The following KCNN2 variants were observed in gnomAD, a reference collection of about 807,000 sequenced individuals.
The protein encoded by KCNN2 is potassium calcium-activated channel subfamily N member 2.
In KCNN2, 24 loss-of-function variants were observed where a neutral mutation model predicts 55.5. That is an observed-to-expected ratio of 0.43 (90% CI 0.31 to 0.61). The LOEUF is 0.61. Ranked by LOEUF, KCNN2 falls within the 20% of genes least tolerant of loss-of-function variation. The pLI, the probability that KCNN2 is intolerant of heterozygous loss-of-function variation, is 0.08. For synonymous variants in KCNN2, 431 were observed against 336.1 expected (o/e 1.28, Z -3.09); for missense variants, 754 against 853.6 (o/e 0.88, Z 1.45).
At chr5:114,440,771 A>G (rs1163956819) in intron 3 of KCNN2, among the ~76,000 whole-genome samples, 1 of 152,074 alleles carries the variant, frequency 6.6e-6, no homozygotes, top group East Asian at 1.9e-4. Flanking sequence ...ATAAAAATAG[A>G]ATGTATAACA....
At chr5:114,116,571 T>G (rs1751711969) in intron 1 of KCNN2, among the ~76,000 whole-genome samples, 1 of 152,170 alleles carries the variant, frequency 6.6e-6, no homozygotes, top group Non-Finnish European at 1.5e-5. Context: ...TTTACCCACT[T>G]AAGCAAATGC....
intron 1 of KCNN2, among the ~76,000 whole-genome samples, chr5:114,142,377 A>C (rs1192488631): frequency 6.6e-6 from 1 of 152,142 alleles, no homozygotes; most frequent in South Asian, 2.1e-4. Flanking sequence ...AGCACCATTT[A>C]TTAAATAGGG....
chr5:114,169,336 T>C (rs1752982835), intron 1 of KCNN2, among the ~76,000 whole-genome samples: 1 of 152,046 alleles, frequency 6.6e-6, no homozygotes, highest in African/African-American at 2.4e-5. Context: ...ACCCAAAGGC[T>C]ATTGGAGGGA....
Position 114,156,251 on chromosome 5 carries a change from T to C in KCNN2, c.-270-65229T>C, listed in dbSNP as rs191391586. On this transcript the variant is annotated intron_variant, in intron 1 of 10. Transcript: ENST00000512097. Reference sequence around the variant, plus strand: ...GTTCCATTAATCTATGTGTCTGTTCTTGTACCAGTACCATGCTGTTTTGGT... The same window carrying C: ...GTTCCATTAATCTATGTGTCTGTTCCTGTACCAGTACCATGCTGTTTTGGT... 3.0e-3 allele frequency among the ~76,000 whole-genome samples: 459 copies of C among 152,306 alleles called. 3 individuals are homozygous for C. The highest frequency in any genetic ancestry group is 0.01 in the African/African-American group (427 of 41,566).
rs115711474 is a variant in KCNN2 at position 114,218,588 on chromosome 5, G to A, written c.-270-2892G>A. Among the ~76,000 whole-genome samples the A allele has an allele frequency of 1.5e-3, 234 of 152,332 alleles. 1 individual carries two copies. The highest frequency in any genetic ancestry group is 5.5e-3 in the African/African-American group (227 of 41,574). On this transcript the variant is annotated intron_variant, in intron 1 of 10. Coordinates refer to the KCNN2 transcript ENST00000512097. The stretch of plus-strand genomic sequence containing the variant: ...TCAGTGATTTTCAGGGTTGGCACAA[G>A]GGACAGATGAATAGTTAGAGCACAG...
chr5:114,111,393 G>C (rs1751593000), intron 1 of KCNN2, among the ~76,000 whole-genome samples: 1 of 152,116 alleles, frequency 6.6e-6, no homozygotes, highest in African/African-American at 2.4e-5. Context: ...AGAAAACCTA[G>C]GCAATCCCAT....
intron 5 of KCNN2, among the ~76,000 whole-genome samples, chr5:114,479,233 A>G (rs1055491403): frequency 5.3e-5 from 8 of 151,664 alleles, no homozygotes; most frequent in African/African-American, 1.9e-4. Context: ...CTATAAAAAA[A>G]AAAAAAGAAA....
intron 1 of KCNN2, among the ~76,000 whole-genome samples, chr5:114,140,226 G>C (rs1042020799): frequency 6.6e-6 from 1 of 152,262 alleles, no homozygotes; most frequent in East Asian, 1.9e-4. Flanking sequence ...ATTGTGAAGA[G>C]ATCTTGATAT....
At chr5:114,183,045 T>C (rs1447044585) in intron 1 of KCNN2, among the ~76,000 whole-genome samples, 3 of 152,122 alleles carry the variant, frequency 2.0e-5, no homozygotes, top group African/African-American at 7.2e-5. Context: ...TTACTTTCTG[T>C]TCCTGGCTTG....
intron 1 of KCNN2, among the ~76,000 whole-genome samples, chr5:114,192,786 G>T (rs1191710033): frequency 6.6e-6 from 1 of 152,048 alleles, no homozygotes; most frequent in Non-Finnish European, 1.5e-5. Flanking sequence ...ATTTTTAGTG[G>T]TTGTTTTATC....
At chr5:114,142,049 A>C (rs62381859) in intron 1 of KCNN2, among the ~76,000 whole-genome samples, 5 of 152,068 alleles carry the variant, frequency 3.3e-5, no homozygotes, top group Non-Finnish European at 7.3e-5. Flanking sequence ...TCAGATGAGT[A>C]GATTGCAAAA....
intron 1 of KCNN2, among the ~76,000 whole-genome samples, chr5:114,056,937 A>G (rs982034790): frequency 2.0e-5 from 3 of 152,168 alleles, no homozygotes; most frequent in African/African-American, 7.2e-5. Context: ...TGCTGAGGTT[A>G]TAGGGTATAT....
Position 114,295,498 on chromosome 5 carries a change from C to T in KCNN2, c.-184-65447C>T, listed in dbSNP as rs553137250. ...AAAACTCCATGGGCATGGGACCCTC[C>T]GAGCCATGTGCGGGATATAATCTCC... On this transcript the variant is annotated intron_variant, in intron 2 of 10. Coordinates refer to the KCNN2 transcript ENST00000512097. Among the ~76,000 whole-genome samples, 11 of 152,288 alleles carry T rather than the reference C, an allele frequency of 7.2e-5. No individual in the cohort carries two copies. The South Asian group carries it at 1.2e-3, about 17-fold the overall frequency.
At chr5:114,478,681 C>T (rs1034101091) in intron 5 of KCNN2, among the ~76,000 whole-genome samples, 3 of 152,080 alleles carry the variant, frequency 2.0e-5, no homozygotes, top group Admixed American at 1.3e-4. Context: ...AAATAAAACC[C>T]GTCTGACTAA....
chr5:114,143,944 C>G (rs1340612815), intron 1 of KCNN2, among the ~76,000 whole-genome samples: 1 of 152,084 alleles, frequency 6.6e-6, no homozygotes, highest in Admixed American at 6.6e-5. Flanking sequence ...AGCAATAGCA[C>G]AAATTATACA....
chr5:114,404,493 G>A lies in KCNN2; in HGVS notation c.1274G>A (p.Arg425His), dbSNP rs745525548. Reference protein sequence around the residue: ...DDWRIAMTYERIFFICLEILV... With the variant: ...DDWRIAMTYEHIFFICLEILV... The stretch of plus-strand genomic sequence containing the variant: ...TGGAGAATAGCCATGACTTATGAGC[G>A]TATTTTCTTCATCTGCTTGGAAATA... The change falls in exon 3 of 8, where the codon CGT (arginine) becomes CAT (histidine). Residue 425 changes from arginine to histidine, a missense_variant. By Grantham distance (29) the Arg-to-His change is conservative. Coordinates refer to ENST00000673685, the MANE Select transcript of KCNN2 (RefSeq NM_021614.4). The A allele has an allele frequency of 4.3e-6, 7 of 1,613,306 alleles. No homozygotes were observed. Among genetic ancestry groups the A allele is most frequent in the African/African-American group, 1.3e-5 (1 of 75,020 alleles).
chr5:114,207,734 A>C (rs1267202863), intron 1 of KCNN2, among the ~76,000 whole-genome samples: 1 of 152,222 alleles, frequency 6.6e-6, no homozygotes, highest in East Asian at 1.9e-4. Context: ...TCTTGAGGGC[A>C]GTTTTAGGAA....
chr5:114,070,630 T>A (rs1376646258), intron 1 of KCNN2, among the ~76,000 whole-genome samples: 2 of 152,178 alleles, frequency 1.3e-5, no homozygotes, highest in Non-Finnish European at 2.9e-5. Context: ...CCTCAGTGAT[T>A]ATCAGTATTC....
At chr5:114,213,168 T>A (rs182004870) in intron 1 of KCNN2, among the ~76,000 whole-genome samples, 3 of 152,172 alleles carry the variant, frequency 2.0e-5, no homozygotes, top group Non-Finnish European at 2.9e-5. Flanking sequence ...TATTCAGGTC[T>A]TGCTGTTCCA....
Sources: gnomAD v4.1 joint callset for allele counts (sites outside exome capture counted in the v4.1 genomes callset) on GRCh38, gnomAD v4.1.1 for gene constraint, MANE v1.5 for transcripts, NCBI Gene and HGNC (gene_info 2026-07-23, HGNC 2026-07-21) for gene names.